Variants in OPHN1 observed in about 807,000 individuals in gnomAD.
OPHN1 encodes oligophrenin 1, also known as oligophrenin-1.
Under a neutral mutation model 60.7 loss-of-function variants are expected in OPHN1, and 11 were observed. That is an observed-to-expected ratio of 0.18 (90% CI 0.11 to 0.30). OPHN1 has a LOEUF of 0.30. OPHN1 is among the 10% of genes least tolerant of loss of function. The pLI, the probability that OPHN1 is intolerant of heterozygous loss-of-function variation, is 1.00. For missense variants in OPHN1, 449 were observed against 611.0 expected (o/e 0.73, Z 2.80); for synonymous variants, 226 against 222.6 (o/e 1.02, Z -0.14).
intron 2 of OPHN1, among the ~76,000 whole-genome samples, chrX:68,430,728 G>A (rs2078881891): frequency 9.0e-6 from 1 of 110,693 alleles, no homozygotes; most frequent in African/African-American, 3.3e-5. Flanking sequence ...GGAGGATGAG[G>A]CAGGAGGATC....
At chrX:68,269,009 A>T (rs1010168196) in intron 5 of OPHN1, among the ~76,000 whole-genome samples, 27 of 111,554 alleles carry the variant, frequency 2.4e-4, no homozygotes, top group Non-Finnish European at 3.2e-4. Flanking sequence ...AGAATAAAAT[A>T]CCTAGGAATC....
chrX:68,357,925 G>A (rs971782549), intron 2 of OPHN1, among the ~76,000 whole-genome samples: 1 of 109,528 alleles, frequency 9.1e-6, no homozygotes, highest in African/African-American at 3.3e-5. Flanking sequence ...GGCCAGAAAA[G>A]TTGGTTACTC....
At position 68,273,155 on chromosome X, in the gene OPHN1, A is replaced by G. The variant is rs781546239; in HGVS notation, c.384+1583T>C. Among the ~76,000 whole-genome samples the G allele has an allele frequency of 4.5e-5, 5 of 111,899 alleles. No homozygotes were observed. The South Asian group carries it at 1.5e-3, about 34-fold the overall frequency. The stretch of plus-strand genomic sequence containing the variant: ...GCCAGGCATGGTGGCTCATGCCTGT[A>G]ATACCAGCACTTTGGGAGGCTGAGT... On this transcript the variant is annotated intron_variant, in intron 5 of 24. Coordinates refer to ENST00000355520, the MANE Select transcript of OPHN1 (RefSeq NM_002547.3).
At chrX:68,123,543 C>G (rs1053920984) in intron 15 of OPHN1, among the ~76,000 whole-genome samples, 3 of 111,553 alleles carry the variant, frequency 2.7e-5, no homozygotes, top group Non-Finnish European at 3.8e-5. Context: ...GAGAGTACAA[C>G]AAGACATAAA....
chrX:68,324,745 T>C (rs990173212), intron 2 of OPHN1, among the ~76,000 whole-genome samples: 1 of 110,981 alleles, frequency 9.0e-6, no homozygotes, highest in Admixed American at 9.6e-5. Context: ...AATTTCATAT[T>C]AAAAATTTTA....
chrX:68,078,775 CAGG>C (rs1273888660), intron 19 of OPHN1, among the ~76,000 whole-genome samples: 1 of 109,985 alleles, frequency 9.1e-6, no homozygotes, highest in African/African-American at 3.3e-5. Context: ...CCCTTGAGGC[CAGG>C]AGTTCAAGAC....
At chrX:68,127,824 C>T (rs1203204440) in intron 15 of OPHN1, among the ~76,000 whole-genome samples, 3 of 111,474 alleles carry the variant, frequency 2.7e-5, no homozygotes. Flanking sequence ...CCACATTCCC[C>T]CTACATCAGG....
chrX:68,342,263 G>T (rs756765254), intron 2 of OPHN1, among the ~76,000 whole-genome samples: 2 of 111,410 alleles, frequency 1.8e-5, no homozygotes, highest in Non-Finnish European at 3.8e-5. Flanking sequence ...GTGCTACCAC[G>T]CCCAGCCAAG....
At chrX:68,409,963 T>C (rs1444649487) in intron 2 of OPHN1, among the ~76,000 whole-genome samples, 1 of 111,591 alleles carries the variant, frequency 9.0e-6, no homozygotes, top group Non-Finnish European at 1.9e-5. Context: ...AGCAATATCA[T>C]TCTTTTCATC....
At chrX:68,372,897 C>T (rs1001574811) in intron 2 of OPHN1, among the ~76,000 whole-genome samples, 1 of 110,677 alleles carries the variant, frequency 9.0e-6, no homozygotes, top group Non-Finnish European at 1.9e-5. Context: ...TCTCAAAACA[C>T]TGATCAAAGA....
At chrX:68,404,636 C>G (rs2078732640) in intron 2 of OPHN1, among the ~76,000 whole-genome samples, 1 of 111,175 alleles carries the variant, frequency 9.0e-6, no homozygotes, top group Admixed American at 9.6e-5. Context: ...AAAGGATAAA[C>G]AAAATGCGGT....
intron 15 of OPHN1, among the ~76,000 whole-genome samples, chrX:68,136,684 T>C (rs2077222089): frequency 8.9e-6 from 1 of 111,755 alleles, no homozygotes; most frequent in Non-Finnish European, 1.9e-5. Flanking sequence ...TCTTCATCTG[T>C]AAAATGGAAT....
intron 22 of OPHN1, 69 bp from the exon 23 acceptor site, chrX:68,052,659 A>G: frequency 1.0e-6 from 1 of 979,955 alleles, no homozygotes; most frequent in Non-Finnish European, 1.4e-6. Flanking sequence ...TGGCCAACAG[A>G]AAGGACAGGA....
rs141861756 is a variant in OPHN1, at chrX:68,252,981, T to C, written c.385-18393A>G. ...CCTCCTCGAAGATTGCTGTGCCTGGTGAGACTGACAACATAGTGCCAGTTG... is the reference window on the plus strand; with the variant it reads ...CCTCCTCGAAGATTGCTGTGCCTGGCGAGACTGACAACATAGTGCCAGTTG... On this transcript the variant is annotated intron_variant, in intron 5 of 24. Coordinates refer to ENST00000355520, the MANE Select transcript of OPHN1 (RefSeq NM_002547.3). 7.6e-3 allele frequency among the ~76,000 whole-genome samples: 844 copies of C among 110,640 alleles called. 17 individuals are homozygous for C. The highest frequency in any genetic ancestry group is 0.026 in the African/African-American group (794 of 30,378).
At chrX:68,195,994 T>C (rs2053544897) in intron 12 of OPHN1, among the ~76,000 whole-genome samples, 1 of 111,911 alleles carries the variant, frequency 8.9e-6, no homozygotes, top group African/African-American at 3.2e-5. Flanking sequence ...TCCCAGCATC[T>C]GCCTACAGAA....
intron 8 of OPHN1, 136 bp from the exon 9 acceptor site, chrX:68,210,418 A>G (rs950903338): frequency 1.6e-6 from 1 of 617,666 alleles, no homozygotes; most frequent in Non-Finnish European, 2.5e-6. Context: ...GAAATGGTGA[A>G]TGGCATAGTG....
chrX:68,122,661 A>G (rs1377124956), intron 15 of OPHN1, among the ~76,000 whole-genome samples: 1 of 111,003 alleles, frequency 9.0e-6, no homozygotes, highest in African/African-American at 3.3e-5. Flanking sequence ...AAATAATTTT[A>G]AAAATCAAGC....
intron 8 of OPHN1, among the ~76,000 whole-genome samples, chrX:68,211,351 T>G (rs919756577): frequency 8.9e-6 from 1 of 112,356 alleles, no homozygotes; most frequent in African/African-American, 3.2e-5. Context: ...TGCTCTGAAC[T>G]TTTTAAAAAC....
rs1309486277 is a variant in OPHN1 at position 68,213,570 on chromosome X, A to G, written c.597+292T>C. On this transcript the variant is annotated intron_variant, in intron 7 of 24. Coordinates refer to ENST00000355520, the MANE Select transcript of OPHN1 (RefSeq NM_002547.3). ...AGCGCAAGAAGAAGGAAGGGAGGGA[A>G]ACAAAGTAACAGGAAGAGTTGTAGA... 8.3e-5 allele frequency among the ~76,000 whole-genome samples: 9 copies of G among 108,921 alleles called. No homozygotes were observed. In the East Asian group the frequency reaches 2.6e-3, roughly 32 times the overall value. The allele number at this position is 108,921 out of a possible 115,157, so 94.6% of individuals were successfully genotyped here.
Sources: allele counts gnomAD v4.1 joint callset (sites outside exome capture counted in the v4.1 genomes callset), GRCh38; gene constraint gnomAD v4.1.1; transcripts MANE v1.5; gene names NCBI Gene and HGNC (gene_info 2026-07-23, HGNC 2026-07-21).